ARID4B: variants seen among roughly 807,000 people sequenced by gnomAD.
ARID4B encodes the protein AT-rich interactive domain-containing protein 4B.
A neutral mutation model predicts 147.5 loss-of-function variants in ARID4B; 26 were observed. The ratio of observed to expected loss-of-function variants is 0.18; its 90% CI spans 0.13 to 0.24. The LOEUF (loss-of-function observed/expected upper bound fraction) is 0.24. Among genes scored for constraint, ARID4B ranks in the 10% least tolerant of loss-of-function variants. The pLI is 1.00. For missense variants in ARID4B, 1,179 were observed against 1,511.5 expected, an observed-to-expected ratio of 0.78 and a Z score of 3.65; for synonymous variants, 512 against 507.9, an observed-to-expected ratio of 1.01 and a Z score of -0.11.
chr1:235,303,174 C>T (rs1036666407), intron 2 of ARID4B, among the ~76,000 whole-genome samples: 5 of 152,258 alleles, frequency 3.3e-5, no homozygotes, highest in African/African-American at 9.6e-5. Flanking sequence ...CCGCCTGCCT[C>T]GGCCTCCCAG....
intron 7 of ARID4B, among the ~76,000 whole-genome samples, chr1:235,241,866 G>A (rs1158694709): frequency 6.6e-6 from 1 of 151,936 alleles, no homozygotes; most frequent in Non-Finnish European, 1.5e-5. Flanking sequence ...AGTGACATGG[G>A]GAATACCACC....
intron 2 of ARID4B, among the ~76,000 whole-genome samples, chr1:235,261,008 T>C (rs934572438): frequency 6.6e-6 from 1 of 152,180 alleles, no homozygotes; most frequent in Admixed American, 6.5e-5. Context: ...TGATATGAAT[T>C]AGCTCACTCA....
intron 21 of ARID4B, among the ~76,000 whole-genome samples, chr1:235,177,226 T>C (rs1249744153): frequency 2.0e-5 from 3 of 152,220 alleles, no homozygotes; most frequent in Admixed American, 6.5e-5. Context: ...AAAAATAACA[T>C]GTAGTTGAAA....
At chr1:235,280,999 T>G (rs1340566002) in intron 2 of ARID4B, among the ~76,000 whole-genome samples, 1 of 151,818 alleles carries the variant, frequency 6.6e-6, no homozygotes. Flanking sequence ...TTTTACATAT[T>G]AAAAGATAAC....
chr1:235,268,848 G>C (rs755103867), intron 2 of ARID4B, among the ~76,000 whole-genome samples: 2 of 152,130 alleles, frequency 1.3e-5, no homozygotes, highest in African/African-American at 4.8e-5. Flanking sequence ...TTCAAGGTTG[G>C]ACAGAGAAAA....
At chr1:235,267,617 G>A (rs922806433) in intron 2 of ARID4B, among the ~76,000 whole-genome samples, 2 of 152,188 alleles carry the variant, frequency 1.3e-5, no homozygotes, top group Non-Finnish European at 2.9e-5. Context: ...TGGATCACGA[G>A]GTCAGGAGAT....
chr1:235,301,030 T>G (rs1248481704), intron 2 of ARID4B, among the ~76,000 whole-genome samples: 2 of 148,934 alleles, frequency 1.3e-5, no homozygotes, highest in East Asian at 3.9e-4. Flanking sequence ...TACATTTTTT[T>G]AAGTATTCTT....
At chr1:235,223,603 A>C (rs955940963) in intron 12 of ARID4B, among the ~76,000 whole-genome samples, 2 of 150,424 alleles carry the variant, frequency 1.3e-5, no homozygotes, top group African/African-American at 4.9e-5. Context: ...ACTGCTTCCC[A>C]ATAAGAGTTA....
chr1:235,297,218 T>C (rs1034139536), intron 2 of ARID4B, among the ~76,000 whole-genome samples: 2 of 151,922 alleles, frequency 1.3e-5, no homozygotes, highest in African/African-American at 2.4e-5. Context: ...ATGAGACAAT[T>C]GAAACATGAA....
At chr1:235,228,850 T>G (rs1668022376) in intron 11 of ARID4B, 1 of 163,454 alleles carries the variant, frequency 6.1e-6, no homozygotes, top group Non-Finnish European at 1.3e-5. Flanking sequence ...TTTCGCTGTG[T>G]TAGCCAGGAT....
intron 17 of ARID4B, among the ~76,000 whole-genome samples, chr1:235,203,814 C>G (rs1459279923): frequency 6.6e-6 from 1 of 151,964 alleles, no homozygotes; most frequent in Non-Finnish European, 1.5e-5. Context: ...AACACCAAGT[C>G]AAGATAAAAA....
intron 23 of ARID4B, 111 bp downstream of exon 23, chr1:235,172,507 G>A (rs1466066273): frequency 3.1e-6 from 2 of 654,212 alleles, no homozygotes; most frequent in Non-Finnish European, 4.7e-6. Flanking sequence ...GAACCCAGGA[G>A]GTGGAGGTTG....
At chr1:235,173,759 AAAAAAAAAAAAAAT>A (rs1663564451) in intron 22 of ARID4B, among the ~76,000 whole-genome samples, 1 of 50,860 alleles carries the variant, frequency 2.0e-5, no homozygotes, top group African/African-American at 1.1e-4. Context: ...AAAAAAAAAA[AAAAAAAAAAAAAAT>A]ATATATATAT....
At chr1:235,321,535 T>C (rs758066289) in intron 2 of ARID4B, among the ~76,000 whole-genome samples, 49 of 152,174 alleles carry the variant, frequency 3.2e-4, no homozygotes, top group African/African-American at 1.2e-3. Flanking sequence ...AGACAGACTC[T>C]TGCTCTGTCG....
Position 235,172,605 on chromosome 1 carries a change from TA to T in ARID4B, c.3811+12del. ...AATAAATAAATAAATAAAAATAAAG[TA>T]AAAATACTTACTTTCTCTCTCTTTC... On this transcript the variant is annotated intron_variant, in intron 23 of 23. Transcript: ENST00000264183. 2 of 1,497,816 alleles carry T rather than the reference TA, an allele frequency of 1.3e-6. No individual in the cohort carries two copies. Among genetic ancestry groups the T allele is most frequent in the East Asian group, 2.4e-5 (1 of 41,904 alleles). The allele number at this position is 1,497,816 out of a possible 1,614,324, so 92.8% of individuals were successfully genotyped here. A position where few individuals can be genotyped will look rare whatever the true frequency, so the allele number is the denominator to read the frequency against.
rs1196894473 is a variant in ARID4B at position 235,323,465 on chromosome 1, C to T, written c.6+3449G>A. ...GTTAATAACATGTACAATATAGATACAGGAAAAAAAAGTTTGAGTTTAAAA... is the reference window on the plus strand; with the variant it reads ...GTTAATAACATGTACAATATAGATATAGGAAAAAAAAGTTTGAGTTTAAAA... On this transcript the variant is annotated intron_variant, in intron 2 of 23. Coordinates refer to ENST00000264183, the MANE Select transcript of ARID4B (RefSeq NM_016374.6). Among the ~76,000 whole-genome samples the T allele has an allele frequency of 2.0e-5, 3 of 151,820 alleles. No individual in the cohort carries two copies. The East Asian group carries it at 5.8e-4, about 29-fold the overall frequency.
intron 8 of ARID4B, 132 bp from the exon 9 acceptor site, chr1:235,234,624 A>G (rs1572042238): frequency 6.7e-6 from 1 of 149,240 alleles, no homozygotes; most frequent in Non-Finnish European, 1.2e-5. Flanking sequence ...GTAAACAGGC[A>G]CACACACACA....
At chr1:235,222,326 G>A (rs1301038922) in intron 13 of ARID4B, among the ~76,000 whole-genome samples, 1 of 152,060 alleles carries the variant, frequency 6.6e-6, no homozygotes, top group East Asian at 1.9e-4. Flanking sequence ...TTATTATTTC[G>A]CATAAAATAT....
At chr1:235,235,040 G>A (rs1668467069) in intron 8 of ARID4B, among the ~76,000 whole-genome samples, 1 of 152,242 alleles carries the variant, frequency 6.6e-6, no homozygotes. Context: ...TCACCTGAGT[G>A]AGAGGTGGTG....
Sources: allele counts gnomAD v4.1 joint callset (sites outside exome capture counted in the v4.1 genomes callset), GRCh38; gene constraint gnomAD v4.1.1; transcripts MANE v1.5; gene names NCBI Gene and HGNC (gene_info 2026-07-23, HGNC 2026-07-21).